The following DICER1 variants were observed in gnomAD, a reference collection of about 807,000 sequenced individuals.
DICER1 encodes dicer 1, ribonuclease III.
A neutral mutation model predicts 194.1 loss-of-function variants in DICER1; 43 were observed. The observed-to-expected ratio is 0.22, with a 90% CI of 0.17 to 0.29. DICER1 has a LOEUF of 0.29. DICER1 is among the 10% of genes least tolerant of loss of function. DICER1 has a pLI of 1.00. For missense variants in DICER1, 1,608 were observed against 2,317.0 expected, an observed-to-expected ratio of 0.69 and a Z score of 6.28; for synonymous variants, 832 against 820.5, an observed-to-expected ratio of 1.01 and a Z score of -0.24.
intron 1 of DICER1, among the ~76,000 whole-genome samples, chr14:95,146,287 C>T (rs1002233399): frequency 6.6e-6 from 1 of 152,250 alleles, no homozygotes; most frequent in Non-Finnish European, 1.5e-5. Context: ...ACACTTTCCT[C>T]TGATTGATCC....
At chr14:95,109,868 G>A (rs1891796728) in intron 14 of DICER1, among the ~76,000 whole-genome samples, 1 of 152,220 alleles carries the variant, frequency 6.6e-6, no homozygotes, top group Non-Finnish European at 1.5e-5. Context: ...AGTATTTTGA[G>A]AGAGACCACA....
intron 21 of DICER1, among the ~76,000 whole-genome samples, chr14:95,102,235 C>T (rs1010593768): frequency 6.6e-6 from 1 of 152,172 alleles, no homozygotes; most frequent in African/African-American, 2.4e-5. Flanking sequence ...TACCAGAACT[C>T]TAGTTCTATC....
Position 95,089,903 on chromosome 14 carries a change from C to G in DICER1, c.*595G>C, listed in dbSNP as rs1889634282. Reference sequence around the variant, plus strand: ...ACTAAAATGTGATTCACCAACATGCCAGCCAATGTTCATTAAAAATCTGTC... The same window carrying G: ...ACTAAAATGTGATTCACCAACATGCGAGCCAATGTTCATTAAAAATCTGTC... On this transcript the variant is annotated 3_prime_UTR_variant, in exon 27 of 27. Coordinates refer to ENST00000343455, the MANE Select transcript of DICER1 (RefSeq NM_177438.3). The G allele has an allele frequency of 8.6e-6, 2 of 233,184 alleles. No individual in the cohort carries two copies. Among genetic ancestry groups the G allele is most frequent in the Admixed American group, 1.1e-4 (2 of 17,812 alleles). The allele number at this position is 233,184 out of a possible 1,614,324, so 14.4% of individuals were successfully genotyped here. A position where few individuals can be genotyped will look rare whatever the true frequency, so the allele number is the denominator to read the frequency against.
In DICER1 at chr14:95,132,669, C is replaced by T. The variant is rs1595466715; in HGVS notation, c.153G>A (p.Leu51=). The change falls in exon 3 of 27, where the codon CTG becomes CTA. Residue 51 remains leucine (L), a synonymous_variant. Transcript: ENST00000343455. ...TATTATGATCCAGAGCTGCTTCAAG[C>T]AGTTCAACCTAGAAACATGGTGAAA... ...IYTPRKYQVE[L]LEAALDHNTI... 6.2e-7 allele frequency: 1 copy of T among 1,613,852 alleles called. No homozygotes were observed. The highest frequency in any genetic ancestry group is 1.1e-5 in the South Asian group (1 of 91,074).
chr14:95,096,879 G>A (rs1368673856), intron 22 of DICER1, among the ~76,000 whole-genome samples, 166 bp from the exon 23 acceptor site: 1 of 152,174 alleles, frequency 6.6e-6, no homozygotes, highest in Non-Finnish European at 1.5e-5. Context: ...CATAAAATAA[G>A]TTATTTAATC....
chr14:95,106,068 A>C lies in DICER1; in HGVS notation c.2960T>G (p.Leu987Arg). The change falls in exon 18 of 27, where the codon CTG (leucine) becomes CGG (arginine). Residue 987 changes from leucine (L) to arginine (R), a missense_variant. Coordinates refer to ENST00000343455, the MANE Select transcript of DICER1 (RefSeq NM_177438.3). ...NLDLTNLNQP[L>R]LDVDHTSSRL... ...TGAAGATGTGTGGTCCACATCCAGC[A>C]GTGGCTGGTTGAGATTGGTTAGGTC... is the stretch of plus-strand genomic sequence containing the variant. The C allele has an allele frequency of 6.2e-7, 1 of 1,614,204 alleles. No homozygotes were observed. Among genetic ancestry groups the C allele is most frequent in the South Asian group, 1.1e-5 (1 of 91,082 alleles).
In DICER1 at chr14:95,107,692, A is replaced by C. The variant is rs200408568; in HGVS notation, c.2720T>G (p.Ile907Arg). The stretch of plus-strand genomic sequence containing the variant: ...TGTATACTTTGTACTGGGAATGCCT[A>C]TGCGAGCTTCAGACTTCTCAATATC... ...MEDIEKSEAR[I>R]GIPSTKYTKE... Residue 907 changes from isoleucine (I) to arginine (R), a missense_variant, in exon 17 of 27, where the codon ATA (isoleucine) becomes AGA (arginine). Coordinates refer to ENST00000343455, the MANE Select transcript of DICER1 (RefSeq NM_177438.3). 1.2e-6 allele frequency: 2 copies of C among 1,604,888 alleles called. No individual in the cohort carries two copies. The highest frequency in any genetic ancestry group is 1.7e-6 in the Non-Finnish European group (2 of 1,174,554).
rs748454716 is a variant in DICER1 at position 95,099,758 on chromosome 14, ACAC to A, written c.4206+19_4206+21del. 3.1e-6 allele frequency: 5 copies of A among 1,600,494 alleles called. No homozygotes were observed. The highest frequency in any genetic ancestry group is 4.3e-6 in the Non-Finnish European group (5 of 1,175,844). ...CACACACACACACACACACACACAC[ACAC>A]ACACACACACAAACTTACCATTTCA... is the stretch of plus-strand genomic sequence containing the variant. On this transcript the variant is annotated intron_variant, in intron 22 of 26. Coordinates refer to ENST00000343455, the MANE Select transcript of DICER1 (RefSeq NM_177438.3).
chr14:95,131,186 G>A (rs112631991), intron 4 of DICER1, among the ~76,000 whole-genome samples: 8 of 151,894 alleles, frequency 5.3e-5, no homozygotes, highest in Non-Finnish European at 7.4e-5. Context: ...CACCACGCCC[G>A]GCTAATTTTT....
chr14:95,099,528 C>A (rs899823644), intron 22 of DICER1, among the ~76,000 whole-genome samples: 9 of 151,666 alleles, frequency 5.9e-5, no homozygotes, highest in African/African-American at 2.2e-4. Context: ...TACTCTTATG[C>A]CTTTGGAAAA....
chr14:95,099,744 AC>A, intron 22 of DICER1, 35 bp downstream of exon 22: 28 of 1,291,188 alleles, frequency 2.2e-5, no homozygotes, highest in Non-Finnish European at 2.8e-5. Flanking sequence ...ACACACACAC[AC>A]ACACACACAC....
At chr14:95,128,810 T>C (rs75645445) in intron 6 of DICER1, among the ~76,000 whole-genome samples, 18,472 of 152,260 alleles carry the variant, frequency 0.12, 1,231 homozygotes, top group Middle Eastern at 0.17. Context: ...AGGTAATCTT[T>C]AGCCTTATTT....
chr14:95,153,573 GA>G (rs1229658602), intron 1 of DICER1, among the ~76,000 whole-genome samples: 1 of 152,136 alleles, frequency 6.6e-6, no homozygotes, highest in African/African-American at 2.4e-5. Context: ...TCATACAAGA[GA>G]AAAATCTGCT....
intron 13 of DICER1, 96 bp downstream of exon 13, chr14:95,112,076 C>T (rs1371794006): frequency 1.9e-6 from 2 of 1,075,540 alleles, no homozygotes; most frequent in South Asian, 2.6e-5. Flanking sequence ...AATAGCTCTA[C>T]AAAATCCTTA....
chr14:95,101,866 GTGC>G (rs1890909608), intron 21 of DICER1, among the ~76,000 whole-genome samples: 1 of 152,186 alleles, frequency 6.6e-6, no homozygotes, highest in African/African-American at 2.4e-5. Flanking sequence ...AATGCTTGGT[GTGC>G]TGCCTGGTGT....
intron 22 of DICER1, among the ~76,000 whole-genome samples, chr14:95,098,863 T>C (rs77538246): frequency 0.058 from 8,818 of 152,172 alleles, 360 homozygotes; most frequent in Non-Finnish European, 0.087. Context: ...CCTCAATAAA[T>C]AGGTAAAAAT....
At chr14:95,092,834 AAG>A (rs1471076775) in intron 24 of DICER1, among the ~76,000 whole-genome samples, 1 of 152,226 alleles carries the variant, frequency 6.6e-6, no homozygotes, top group Non-Finnish European at 1.5e-5. Flanking sequence ...GCTATTTCTA[AAG>A]AATGAGACTA....
chr14:95,150,582 A>G (rs1035904528), intron 1 of DICER1, among the ~76,000 whole-genome samples: 5 of 152,232 alleles, frequency 3.3e-5, no homozygotes, highest in African/African-American at 1.2e-4. Flanking sequence ...ATGACAGAAA[A>G]GTCACCATTT....
chr14:95,128,463 C>T (rs188340569), intron 6 of DICER1, among the ~76,000 whole-genome samples: 12 of 152,222 alleles, frequency 7.9e-5, no homozygotes, highest in Non-Finnish European at 1.3e-4. Context: ...TTCTAGAGGT[C>T]GTAAGATTTA....
Sources: gnomAD v4.1 joint callset for allele counts (sites outside exome capture counted in the v4.1 genomes callset) on GRCh38, gnomAD v4.1.1 for gene constraint, MANE v1.5 for transcripts, NCBI Gene and HGNC (gene_info 2026-07-23, HGNC 2026-07-21) for gene names.